Variants in ZNF695 observed in about 807,000 individuals in gnomAD.
ZNF695 encodes zinc finger protein 695.
A neutral mutation model predicts 11.2 loss-of-function variants in ZNF695; 11 were observed. The observed-to-expected ratio is 0.98, with a 90% CI of 0.62 to 1.62. The LOEUF is 1.62. Ranked by LOEUF, ZNF695 falls within the 40% of genes most tolerant of loss-of-function variation. The pLI is 0.00. For synonymous variants in ZNF695, 190 were observed against 201.4 expected (o/e 0.94, Z 0.48); for missense variants, 559 against 590.5 (o/e 0.95, Z 0.55).
Position 246,986,087 on chromosome 1 carries a change from T to C in ZNF695, c.*880A>G. ...ATTATTATGTTGTTATTATTATTAT[T>C]GAGAAAGGGTCTTGCTCTGTTGCCC... On this transcript the variant is annotated 3_prime_UTR_variant, in exon 4 of 4. Transcript: ENST00000339986. The C allele has an allele frequency of 2.1e-6, 2 of 964,336 alleles. No individual in the cohort carries two copies. The highest frequency in any genetic ancestry group is 2.5e-6 in the Non-Finnish European group (2 of 810,760). 59.7% of individuals were successfully genotyped at this position (964,336 alleles called of 1,614,324 possible). A position where few individuals can be genotyped will look rare whatever the true frequency, so the allele number is the denominator to read the frequency against.
Position 246,987,357 on chromosome 1 carries a change from G to C in ZNF695, c.1158C>G (p.Gly386=), listed in dbSNP as rs751829770. 6.2e-7 allele frequency: 1 copy of C among 1,613,664 alleles called. No homozygotes were observed. Among genetic ancestry groups the C allele is most frequent in the Admixed American group, 1.7e-5 (1 of 59,978 alleles). ...GGTATGAGAACCAGGTAAAAGCTTT[G>C]CCACATTCCTCACATTTGTATGGTT... The part of the protein sequence containing the change: ...GEKPYKCEEC[G]KAFTWFSYLI... The change falls in exon 4 of 4, where the codon GGC becomes GGG. Residue 386 remains glycine, a synonymous_variant. Transcript: ENST00000339986.
Position 246,988,091 on chromosome 1 carries a change from T to C in ZNF695, c.424A>G (p.Asn142Asp), listed in dbSNP as rs748179613. The change falls in exon 4 of 4, where the codon AAT (asparagine) becomes GAT (aspartate). Residue 142 changes from asparagine (N) to aspartate (D), a missense_variant. By Grantham distance (23) the Asn-to-Asp change is conservative. Transcript: ENST00000339986. ...GEWKGQKASY[N>D]GLDLCSATTH... ...GTTGCTGAGCATAGGTCAAGTCCAT[T>C]ATAACTTGCCTTCTGCCCTTTCCAC... The C allele has an allele frequency of 1.2e-6, 2 of 1,613,472 alleles. No individual in the cohort carries two copies. The highest frequency in any genetic ancestry group is 1.7e-5 in the Admixed American group (1 of 59,862).
At chr1:246,963,964 A>C (rs1335554080) in intron 5 of ZNF695, among the ~76,000 whole-genome samples, 1 of 152,114 alleles carries the variant, frequency 6.6e-6, no homozygotes, top group African/African-American at 2.4e-5. Context: ...GGATTTGATA[A>C]TTTGCTAGGA....
Position 246,987,556 on chromosome 1 carries a change from C to T in ZNF695, c.959G>A (p.Arg320Lys). 6.3e-7 allele frequency: 1 copy of T among 1,599,434 alleles called. No homozygotes were observed. Among genetic ancestry groups the T allele is most frequent in the Non-Finnish European group, 8.5e-7 (1 of 1,174,166 alleles). The change falls in exon 4 of 4, where the codon AGA (arginine) becomes AAA (lysine). Residue 320 changes from arginine (R) to lysine (K), a missense_variant. Physicochemically the swap from Arg to Lys is conservative, Grantham distance 26 (BLOSUM62 2). Transcript: ENST00000339986. ...YLTQHKRIHS[R>K]EKPYKCEECG... ...TTCTTCACACTTGTAGGGTTTCTCT[C>T]TACTATGAATTCTCTTGTGTTGAGT... is the stretch of plus-strand genomic sequence containing the variant.
intron 5 of ZNF695, chr1:246,967,535 A>G (rs562096830): frequency 9.0e-6 from 4 of 443,730 alleles, no homozygotes; most frequent in South Asian, 6.4e-5. Flanking sequence ...CTAAGGATGA[A>G]GTTGCCACTA....
At chr1:246,974,447 G>C (rs1360607301) in intron 4 of ZNF695, among the ~76,000 whole-genome samples, 1 of 152,070 alleles carries the variant, frequency 6.6e-6, no homozygotes, top group African/African-American at 2.4e-5. Flanking sequence ...GAGAGGCAAA[G>C]ATCAAAAGTA....
intron 5 of ZNF695, among the ~76,000 whole-genome samples, chr1:246,959,313 ATATATATAT>A (rs1668101484): frequency 4.6e-4 from 18 of 39,478 alleles, no homozygotes; most frequent in African/African-American, 1.6e-3. Flanking sequence ...AAAAAAAAAT[ATATATATAT>A]ATATATATAT....
At chr1:247,003,731 G>T (rs1021724753) in intron 1 of ZNF695, among the ~76,000 whole-genome samples, 1 of 152,176 alleles carries the variant, frequency 6.6e-6, no homozygotes, top group Non-Finnish European at 1.5e-5. Context: ...CAAATAAGAT[G>T]TAATGCTAAG....
At chr1:246,956,378 G>A (rs1267473829) in intron 5 of ZNF695, among the ~76,000 whole-genome samples, 1 of 151,732 alleles carries the variant, frequency 6.6e-6, no homozygotes, top group East Asian at 2.0e-4. Context: ...CACTCTGGGA[G>A]GCTGAGGCAG....
At position 246,987,793 on chromosome 1, in the gene ZNF695, T is replaced by G. The variant is rs751598051; in HGVS notation, c.722A>C (p.Lys241Thr). The change falls in exon 4 of 4, where the codon AAA (lysine) becomes ACA (threonine). Residue 241 changes from lysine (K) to threonine (T), a missense_variant. Coordinates refer to ENST00000339986, the MANE Select transcript of ZNF695 (RefSeq NM_020394.5). ...KRIHVGEKHC[K>T]CEECNNIFKS... ...AAAAATGTTATTACATTCTTCACAT[T>G]TGCAATGTTTCTCTCCAACATGAAT... is the stretch of plus-strand genomic sequence containing the variant. 1.9e-6 allele frequency: 3 copies of G among 1,608,028 alleles called. No individual in the cohort carries two copies. Among genetic ancestry groups the G allele is most frequent in the Middle Eastern group, 1.7e-4 (1 of 6,024 alleles).
At chr1:246,966,486 C>CA (rs1318017624) in intron 5 of ZNF695, among the ~76,000 whole-genome samples, 1 of 151,174 alleles carries the variant, frequency 6.6e-6, no homozygotes, top group African/African-American at 2.4e-5. Context: ...ATCCCCCCAC[C>CA]AAAAAAAATT....
chr1:246,955,346 G>A lies in ZNF695; in HGVS notation c.489-9519C>T, dbSNP rs1029525221. On this transcript the variant is annotated intron_variant, in intron 5 of 5. Transcript: ENST00000487338. ...TAAGGAAATCATCACACAATGGTAA[G>A]TATTTGTGATAGAAATTTTTCAGCT... Among the ~76,000 whole-genome samples the A allele has an allele frequency of 2.0e-5, 3 of 152,150 alleles. 1 individual carries two copies. In the South Asian group the frequency reaches 6.2e-4, roughly 31 times the overall value.
chr1:246,953,500 A>G (rs1667917136), intron 5 of ZNF695, among the ~76,000 whole-genome samples: 2 of 151,950 alleles, frequency 1.3e-5, no homozygotes, highest in Non-Finnish European at 2.9e-5. Context: ...AGTCCCAGCT[A>G]CTCGGGAGGC....
intron 4 of ZNF695, among the ~76,000 whole-genome samples, chr1:246,971,666 G>T (rs1172453546): frequency 6.6e-6 from 1 of 152,116 alleles, no homozygotes; most frequent in Non-Finnish European, 1.5e-5. Context: ...AGGTTATACT[G>T]TAAAACAAAG....
rs190213499 is a variant in ZNF695, at chr1:246,995,741, G to C, written c.259+3607C>G. On this transcript the variant is annotated intron_variant, in intron 3 of 3. Coordinates refer to ENST00000339986, the MANE Select transcript of ZNF695 (RefSeq NM_020394.5). ...GAGGCAGGAGAATGACCTGAACCCG[G>C]GACGCAGTTTGCAGTGAGCCGAGAT... 4.4e-4 allele frequency among the ~76,000 whole-genome samples: 65 copies of C among 149,194 alleles called. 1 individual carries two copies.
At chr1:246,947,800 T>C (rs74566424) in intron 5 of ZNF695, among the ~76,000 whole-genome samples, 1,711 of 152,338 alleles carry the variant, frequency 0.011, 10 homozygotes, top group Non-Finnish European at 0.019. Context: ...TGAATTACCA[T>C]GTACCAGTAT....
chr1:246,961,611 A>G (rs942817506), intron 5 of ZNF695, among the ~76,000 whole-genome samples: 1 of 152,144 alleles, frequency 6.6e-6, no homozygotes, highest in Non-Finnish European at 1.5e-5. Context: ...ACTCTACTGA[A>G]TTCACCTACT....
At chr1:247,002,997 G>T (rs1236206386) in intron 1 of ZNF695, among the ~76,000 whole-genome samples, 1 of 152,184 alleles carries the variant, frequency 6.6e-6, no homozygotes, top group African/African-American at 2.4e-5. Context: ...AGAAACAAAG[G>T]AATGCCTATA....
Position 246,988,126 on chromosome 1 carries a change from A to G in ZNF695, c.389T>C (p.Ile130Thr). Residue 130 changes from isoleucine to threonine, a missense_variant, in exon 4 of 4, where the codon ATT becomes ACT. Physicochemically the swap from Ile to Thr is moderately conservative, Grantham distance 89 (BLOSUM62 -1). Coordinates refer to ENST00000339986, the MANE Select transcript of ZNF695 (RefSeq NM_020394.5). The stretch of plus-strand genomic sequence containing the variant: ...CTTCTGCCCTTTCCACTCACCCACA[A>G]TTTCCCAGTCATTCCTTAAGCGTAA... ...EKLRLRNDWE[I>T]VGEWKGQKAS... is the part of the protein sequence containing the mutation. The G allele has an allele frequency of 6.2e-7, 1 of 1,613,770 alleles. No individual in the cohort carries two copies. The highest frequency in any genetic ancestry group is 8.5e-7 in the Non-Finnish European group (1 of 1,179,840).
Sources: allele counts gnomAD v4.1 joint callset (sites outside exome capture counted in the v4.1 genomes callset), GRCh38; gene constraint gnomAD v4.1.1; transcripts MANE v1.5; gene names NCBI Gene and HGNC (gene_info 2026-07-23, HGNC 2026-07-21).